The following PAIP1 variants were observed in gnomAD, a reference collection of about 807,000 sequenced individuals.
The protein encoded by PAIP1 is poly(A) binding protein interacting protein 1.
Under a neutral mutation model 61.3 loss-of-function variants are expected in PAIP1, and 16 were observed. The observed-to-expected ratio is 0.26, with a 90% confidence interval of 0.18 to 0.40. The LOEUF (loss-of-function observed/expected upper bound fraction) is 0.40, where lower values mean the gene tolerates loss of function less well. PAIP1 is among the 10% of genes least tolerant of loss of function. The pLI is 1.00. For synonymous variants in PAIP1, 187 were observed against 226.2 expected, an observed-to-expected ratio of 0.83 and a Z score of 1.56; for missense variants, 416 against 600.9, an observed-to-expected ratio of 0.69 and a Z score of 3.22.
chr5:43,535,840 A>T (rs1331864976), intron 6 of PAIP1, among the ~76,000 whole-genome samples, 200 bp from the exon 7 acceptor site: 1 of 152,190 alleles, frequency 6.6e-6, no homozygotes, highest in East Asian at 1.9e-4. Context: ...AACTAAAACA[A>T]AAAAAACAAT....
At position 43,543,512 on chromosome 5, in the gene PAIP1, G is replaced by A. The variant is rs188451333; in HGVS notation, c.622-396C>T. Among the ~76,000 whole-genome samples the A allele has an allele frequency of 7.2e-4, 110 of 152,228 alleles. 1 individual carries two copies. The highest frequency in any genetic ancestry group is 2.6e-3 in the African/African-American group (109 of 41,548). On this transcript the variant is annotated intron_variant, in intron 3 of 10. Coordinates refer to ENST00000306846, the MANE Select transcript of PAIP1 (RefSeq NM_006451.5). ...GGCAGGAAAGCACAGACTTTTTAGT[G>A]TTTGGCAGTCCAGGACAAGATTCCC...
intron 9 of PAIP1, among the ~76,000 whole-genome samples, chr5:43,531,065 T>G (rs1414268564): frequency 6.6e-6 from 1 of 152,134 alleles, no homozygotes; most frequent in East Asian, 1.9e-4. Context: ...CCCTGCGAGA[T>G]AGCAGGAAGC....
chr5:43,532,890 T>C (rs2112381193), intron 9 of PAIP1, among the ~76,000 whole-genome samples: 1 of 152,266 alleles, frequency 6.6e-6, no homozygotes, highest in Non-Finnish European at 1.5e-5. Flanking sequence ...AAATAAAATA[T>C]CAGCAAGATA....
rs542640907 is a variant in PAIP1, at chr5:43,550,317, G to C, written c.436-2404C>G. ...TAAGTGAATTAATCAAATTCACCTA[G>C]ATTGGTGAAGAGCACATAGTAAAGC... On this transcript the variant is annotated intron_variant, in intron 2 of 10. Transcript: ENST00000306846. Among the ~76,000 whole-genome samples, 3 of 152,228 alleles carry C rather than the reference G, an allele frequency of 2.0e-5. No individual in the cohort carries two copies. The South Asian group carries it at 6.2e-4, about 32-fold the overall frequency.
chr5:43,551,444 A>G (rs1747863712), intron 2 of PAIP1, among the ~76,000 whole-genome samples: 1 of 152,250 alleles, frequency 6.6e-6, no homozygotes, highest in Admixed American at 6.5e-5. Flanking sequence ...CTCTAGAGTG[A>G]GAAAATGTTC....
upstream of PAIP1, chr5:43,557,093 C>A: frequency 1.6e-6 from 1 of 631,978 alleles, no homozygotes; most frequent in Non-Finnish European, 2.2e-6. Flanking sequence ...TCCCCCAAAA[C>A]CCGGCTCCCC....
At position 43,556,894 on chromosome 5, in the gene PAIP1, C is replaced by T. The variant is rs1748120114; in HGVS notation, c.-48G>A. On this transcript the variant is annotated 5_prime_UTR_variant, in exon 1 of 11. Transcript: ENST00000306846. Reference sequence around the variant, plus strand: ...CTCCAGGGGCCGCTGCCGCTGCGCTCGCGATAGGACGCGGGGGGAAGGCGC... The same window carrying T: ...CTCCAGGGGCCGCTGCCGCTGCGCTTGCGATAGGACGCGGGGGGAAGGCGC... The T allele has an allele frequency of 5.2e-6, 7 of 1,345,966 alleles. No individual in the cohort carries two copies. In the South Asian group the frequency reaches 9.3e-5, roughly 18 times the overall value. 83.4% of individuals were successfully genotyped at this position (1,345,966 alleles called of 1,614,324 possible). A position where few individuals can be genotyped will look rare whatever the true frequency, so the allele number is the denominator to read the frequency against.
chr5:43,540,623 G>A (rs1460264233), intron 4 of PAIP1, among the ~76,000 whole-genome samples: 1 of 152,206 alleles, frequency 6.6e-6, no homozygotes, highest in Non-Finnish European at 1.5e-5. Context: ...GGTAACTTCC[G>A]TTCCATCTTT....
At chr5:43,551,698 T>C (rs1167661060) in intron 2 of PAIP1, among the ~76,000 whole-genome samples, 1 of 151,416 alleles carries the variant, frequency 6.6e-6, no homozygotes, top group African/African-American at 2.4e-5. Flanking sequence ...TTCCATCAAA[T>C]GTCATTCTTC....
chr5:43,556,827 C>G lies in PAIP1; in HGVS notation c.20G>C (p.Arg7Pro). 3.4e-6 allele frequency: 5 copies of G among 1,451,148 alleles called. No homozygotes were observed. The highest frequency in any genetic ancestry group is 2.8e-5 in the Admixed American group (1 of 35,708). The allele number at this position is 1,451,148 out of a possible 1,614,324, so 89.9% of individuals were successfully genotyped here. ...CCGGCCCCGACCAGCACCTGGGGCCCGATCGAAACCGTCCGACATGCTCCT... is the reference window on the plus strand; with the variant it reads ...CCGGCCCCGACCAGCACCTGGGGCCGGATCGAAACCGTCCGACATGCTCCT... MSDGFDRAPGAGRGRSR... is the reference protein window; with the variant it reads MSDGFDPAPGAGRGRSR... Residue 7 changes from arginine to proline, a missense_variant, in exon 1 of 11, where the codon CGG becomes CCG. Coordinates refer to ENST00000306846, the MANE Select transcript of PAIP1 (RefSeq NM_006451.5).
At chr5:43,551,762 T>TTTA (rs58922191) in intron 2 of PAIP1, among the ~76,000 whole-genome samples, 2 of 146,746 alleles carry the variant, frequency 1.4e-5, no homozygotes. Context: ...TTTTTTTTTT[T>TTTA]AAAGTCAACA....
chr5:43,539,150 A>G (rs1351688997), intron 4 of PAIP1, 115 bp from the exon 5 acceptor site: 4 of 668,584 alleles, frequency 6.0e-6, no homozygotes, highest in East Asian at 2.6e-5. Flanking sequence ...CAATGTCCCA[A>G]TGCTCTTTCT....
In PAIP1 at chr5:43,536,915, T is replaced by C. The variant is rs750200977; in HGVS notation, c.876A>G (p.Arg292=). 7.6e-6 allele frequency: 12 copies of C among 1,585,856 alleles called. No individual in the cohort carries two copies. In the East Asian group the frequency reaches 2.3e-4, roughly 30 times the overall value. Residue 292 remains arginine (R), a synonymous_variant, in exon 6 of 11, where the codon AGA becomes AGG. Transcript: ENST00000306846. ...GAAGACCAACCTGAAGAATATCTGC[T>C]CTTGTAACCTGTCCATTTGTTCCCT... ...EIKGTNGQVT[R]ADILQVGLRE... is the part of the protein sequence containing the mutation.
chr5:43,544,466 A>G (rs1004081444), intron 3 of PAIP1, among the ~76,000 whole-genome samples: 1 of 152,116 alleles, frequency 6.6e-6, no homozygotes, highest in Non-Finnish European at 1.5e-5. Flanking sequence ...TTTAAAGACA[A>G]GTTCTATAAG....
chr5:43,537,458 A>C (rs2112390285), intron 5 of PAIP1, among the ~76,000 whole-genome samples: 1 of 152,274 alleles, frequency 6.6e-6, no homozygotes, highest in South Asian at 2.1e-4. Context: ...GCTTAAACAA[A>C]AATTAGACTG....
At chr5:43,539,589 AT>A (rs1230420175) in intron 4 of PAIP1, among the ~76,000 whole-genome samples, 1 of 152,090 alleles carries the variant, frequency 6.6e-6, no homozygotes, top group African/African-American at 2.4e-5. Context: ...AAATTCCCCC[AT>A]TAAAACCACA....
chr5:43,531,103 A>T (rs987431597), intron 9 of PAIP1, among the ~76,000 whole-genome samples: 1 of 152,148 alleles, frequency 6.6e-6, no homozygotes, highest in African/African-American at 2.4e-5. Context: ...GGTTTGGAAT[A>T]GGGACAGAGC....
chr5:43,533,691 A>G, intron 9 of PAIP1, 47 bp downstream of exon 9: 3 of 1,198,546 alleles, frequency 2.5e-6, no homozygotes, highest in Non-Finnish European at 3.7e-6. Flanking sequence ...TAAATTTACT[A>G]CTTTACCAAA....
intron 3 of PAIP1, among the ~76,000 whole-genome samples, chr5:43,543,473 G>A (rs773613838): frequency 3.9e-5 from 6 of 152,154 alleles, no homozygotes; most frequent in South Asian, 4.1e-4. Context: ...CTGTTGACCA[G>A]TGGGGCTTCT....
Sources: allele counts gnomAD v4.1 joint callset (sites outside exome capture counted in the v4.1 genomes callset), GRCh38; gene constraint gnomAD v4.1.1; transcripts MANE v1.5; gene names NCBI Gene and HGNC (gene_info 2026-07-23, HGNC 2026-07-21).